RUFY3: variants seen among roughly 807,000 people sequenced by gnomAD.
The protein encoded by RUFY3 is RUN and FYVE domain containing 3.
A neutral mutation model predicts 84.0 loss-of-function variants in RUFY3; 34 were observed. The observed-to-expected ratio is 0.40, with a 90% CI of 0.31 to 0.54. The LOEUF is 0.54. RUFY3 is among the 20% of genes least tolerant of loss of function. RUFY3 has a pLI of 0.39. For missense variants in RUFY3, 507 were observed against 736.8 expected, an observed-to-expected ratio of 0.69 and a Z score of 3.61; for synonymous variants, 242 against 252.9, an observed-to-expected ratio of 0.96 and a Z score of 0.41.
In RUFY3 at chr4:70,766,303, G is replaced by A. The variant is rs185521050; in HGVS notation, c.572+1727G>A. Among the ~76,000 whole-genome samples, 229 of 152,198 alleles carry A rather than the reference G, an allele frequency of 1.5e-3. 1 individual carries two copies. The highest frequency in any genetic ancestry group is 5.0e-3 in the African/African-American group (207 of 41,548). On this transcript the variant is annotated intron_variant, in intron 4 of 17. Coordinates refer to ENST00000381006, the MANE Select transcript of RUFY3 (RefSeq NM_001037442.4). ...TCTGTCACCCAGGTTGGAGTGCAGT[G>A]GTGCAATCACGGCTCACTGCAGCTT... is the stretch of plus-strand genomic sequence containing the variant.
intron 4 of RUFY3, among the ~76,000 whole-genome samples, chr4:70,765,209 GTATA>G (rs59630867): frequency 7.3e-6 from 1 of 137,210 alleles, no homozygotes. Context: ...AAAAAAATGT[GTATA>G]TATATATATA....
chr4:70,786,835 T>C (rs1252761382), intron 10 of RUFY3, among the ~76,000 whole-genome samples: 2 of 151,976 alleles, frequency 1.3e-5, no homozygotes, highest in East Asian at 3.9e-4. Context: ...CTCCCCAGAA[T>C]GTCTTTAAGA....
chr4:70,794,204 C>G lies in RUFY3; in HGVS notation c.1457+300C>G, dbSNP rs574639569. Among the ~76,000 whole-genome samples, 8 of 152,286 alleles carry G rather than the reference C, an allele frequency of 5.3e-5. No homozygotes were observed. The East Asian group carries it at 9.6e-4, about 18-fold the overall frequency. ...CTGAATTCTTACTGTGTGCCAGATA[C>G]TTTAGGCACTTCACATGCAAACTCT... On this transcript the variant is annotated intron_variant, in intron 13 of 17. Transcript: ENST00000381006.
chr4:70,791,457 A>T, intron 12 of RUFY3: 1 of 1,378,034 alleles, frequency 7.3e-7, no homozygotes, highest in East Asian at 2.8e-5. Context: ...TTGGAAATAT[A>T]GGTTGGGTTT....
At chr4:70,762,950 G>C (rs997369888) in intron 2 of RUFY3, among the ~76,000 whole-genome samples, 1 of 152,154 alleles carries the variant, frequency 6.6e-6, no homozygotes, top group African/African-American at 2.4e-5. Context: ...AGTTCTGTTT[G>C]ACAGGTGGAA....
At chr4:70,765,972 AG>A (rs1725844770) in intron 4 of RUFY3, among the ~76,000 whole-genome samples, 1 of 152,078 alleles carries the variant, frequency 6.6e-6, no homozygotes, top group Non-Finnish European at 1.5e-5. Flanking sequence ...CGTGTTGGCC[AG>A]GATGGTCTCG....
At chr4:70,766,460 G>T (rs952329842) in intron 4 of RUFY3, among the ~76,000 whole-genome samples, 2 of 152,100 alleles carry the variant, frequency 1.3e-5, no homozygotes, top group South Asian at 4.2e-4. Context: ...GGCCAGGCTG[G>T]TCTTCAACTC....
At chr4:70,720,672 G>C (rs1457657074), upstream of RUFY3, among the ~76,000 whole-genome samples, 1 of 152,096 alleles carries the variant, frequency 6.6e-6, no homozygotes, top group Non-Finnish European at 1.5e-5. Context: ...ACAATCCCTA[G>C]AAAGGAATAG....
rs147891495 is a variant in RUFY3, at chr4:70,710,538, C to T, written c.358+5244C>T. 6.2e-3 allele frequency among the ~76,000 whole-genome samples: 945 copies of T among 151,860 alleles called. 10 individuals are homozygous for T. The highest frequency in any genetic ancestry group is 0.022 in the African/African-American group (922 of 41,444). On this transcript the variant is annotated intron_variant, in intron 1 of 11. Coordinates refer to the RUFY3 transcript ENST00000417478. Reference sequence around the variant, plus strand: ...ATACAAAATTAGCTGGGCATGGTGACGCACACCTGTGATCCCAGCTACTCA... The same window carrying T: ...ATACAAAATTAGCTGGGCATGGTGATGCACACCTGTGATCCCAGCTACTCA...
chr4:70,788,396 A>C (rs926469597), intron 10 of RUFY3, among the ~76,000 whole-genome samples: 3 of 152,062 alleles, frequency 2.0e-5, no homozygotes, highest in African/African-American at 7.2e-5. Flanking sequence ...GGGCTCTTGA[A>C]TATATCAACA....
chr4:70,768,061 C>T (rs1468901386), intron 4 of RUFY3, among the ~76,000 whole-genome samples: 1 of 152,084 alleles, frequency 6.6e-6, no homozygotes, highest in African/African-American at 2.4e-5. Flanking sequence ...TCTCAAAGTC[C>T]TGGGCTCAAG....
rs1732905146 is a variant in RUFY3 at position 70,806,853 on chromosome 4, TA to T, written c.*198del. The T allele has an allele frequency of 1.8e-6, 1 of 552,062 alleles. No homozygotes were observed. Among genetic ancestry groups the T allele is most frequent in the African/African-American group, 1.9e-5 (1 of 53,126 alleles). 34.2% of individuals were successfully genotyped at this position (552,062 alleles called of 1,614,324 possible). On this transcript the variant is annotated 3_prime_UTR_variant, in exon 18 of 18. Transcript: ENST00000381006. ...TCATTTTCTCTAATGACTGTATGAATAAAAGTGAACTTACTTGAGCCTTTCT... is the reference window on the plus strand; with the variant it reads ...TCATTTTCTCTAATGACTGTATGAATAAAGTGAACTTACTTGAGCCTTTCT...
At chr4:70,717,107 C>T (rs1480279527), upstream of RUFY3, among the ~76,000 whole-genome samples, 1 of 152,098 alleles carries the variant, frequency 6.6e-6, no homozygotes, top group East Asian at 1.9e-4. Flanking sequence ...GTCCATTTCT[C>T]CAGTTGAGCA....
rs773237857 is a variant in RUFY3 at position 70,784,790 on chromosome 4, T to C, written c.988-6T>C. ...AAATATGTACAATGTTATTTATCTTTTCAAGGGTCCCAAGCAAGACAGAAC... is the reference window on the plus strand; with the variant it reads ...AAATATGTACAATGTTATTTATCTTCTCAAGGGTCCCAAGCAAGACAGAAC... On this transcript the variant is annotated splice_polypyrimidine_tract_variant and splice_region_variant and intron_variant, in intron 9 of 17. Transcript: ENST00000381006. 1 of 1,588,172 alleles carries C rather than the reference T, an allele frequency of 6.3e-7. No individual in the cohort carries two copies. Among genetic ancestry groups the C allele is most frequent in the South Asian group, 1.2e-5 (1 of 86,348 alleles).
intron 7 of RUFY3, among the ~76,000 whole-genome samples, chr4:70,775,790 C>T (rs1727838605): frequency 6.6e-6 from 1 of 151,862 alleles, no homozygotes; most frequent in South Asian, 2.1e-4. Context: ...TATTAAAAAA[C>T]TCAAAACTAG....
At chr4:70,778,573 C>CTTTTTTTTTTTT (rs377520137) in intron 8 of RUFY3, 135 bp downstream of exon 8, 5 of 151,856 alleles carry the variant, frequency 3.3e-5, no homozygotes, top group Admixed American at 9.6e-5. Context: ...ACTTCTTATT[C>CTTTTTTTTTTTT]TTTTTTTTTT....
In RUFY3 at chr4:70,768,660, A is replaced by G; in HGVS notation, c.695A>G (p.Gln232Arg). ...FCMKGEDLDSQVGVIDFSMYL... is the reference protein window; with the variant it reads ...FCMKGEDLDSRVGVIDFSMYL... ...ATGAAAGGAGAAGACTTGGACTCTC[A>G]GGTATGGGAAAGAGACTCATTCCCA... is the stretch of plus-strand genomic sequence containing the variant. Residue 232 changes from glutamine to arginine, a missense_variant and splice_region_variant, in exon 5 of 18, where the codon CAG becomes CGG. By Grantham distance (43) the Gln-to-Arg change is conservative. Around this residue, in one of 4 missense-constraint regions of RUFY3, gnomAD observed 133 missense variants for 301.1 expected, o/e 0.44. Coordinates refer to ENST00000381006, the MANE Select transcript of RUFY3 (RefSeq NM_001037442.4). 6.2e-7 allele frequency: 1 copy of G among 1,612,858 alleles called. No individual in the cohort carries two copies.
rs529334488 is a variant in RUFY3 at position 70,728,682 on chromosome 4, C to G, written c.178+5931C>G. 4.9e-4 allele frequency among the ~76,000 whole-genome samples: 74 copies of G among 152,200 alleles called. 1 individual carries two copies. Among genetic ancestry groups the G allele is most frequent in the African/African-American group, 1.8e-3 (74 of 41,538 alleles). ...TTAAACTAAATGTCCAGCTTTTGGTCTATTTTCTTTTTTCTTCCACATTCC... is the reference window on the plus strand; with the variant it reads ...TTAAACTAAATGTCCAGCTTTTGGTGTATTTTCTTTTTTCTTCCACATTCC... On this transcript the variant is annotated intron_variant, in intron 1 of 17. Coordinates refer to ENST00000381006, the MANE Select transcript of RUFY3 (RefSeq NM_001037442.4).
chr4:70,729,935 G>GTTT (rs11420754), intron 1 of RUFY3, among the ~76,000 whole-genome samples: 24 of 129,450 alleles, frequency 1.9e-4, no homozygotes, highest in Admixed American at 3.3e-4. Context: ...TGTTTCTTTC[G>GTTT]TTTTTTTTTT....
Sources: allele counts gnomAD v4.1 joint callset (sites outside exome capture counted in the v4.1 genomes callset), GRCh38; gene constraint gnomAD v4.1.1; regional missense constraint gnomAD v4.1.1; transcripts MANE v1.5; gene names NCBI Gene and HGNC (gene_info 2026-07-23, HGNC 2026-07-21).